The following PINX1 variants were observed in gnomAD, a reference collection of about 807,000 sequenced individuals.
The protein encoded by PINX1 is PIN2/TERF1-interacting telomerase inhibitor 1.
PINX1 carries 34 observed loss-of-function variants against 25.4 expected under a neutral mutation model. The observed-to-expected ratio is 1.34, with a 90% CI of 1.02 to 1.78. The LOEUF is 1.78. PINX1 is among the 40% of genes most tolerant of loss of function. The pLI is 0.00. For missense variants in PINX1, 592 were observed against 404.9 expected (o/e 1.46, Z -3.97); for synonymous variants, 197 against 147.7 (o/e 1.33, Z -2.42).
chr8:10,805,358 T>TTA (rs1465410343), intron 6 of PINX1, among the ~76,000 whole-genome samples: 22 of 152,362 alleles, frequency 1.4e-4, no homozygotes, highest in African/African-American at 5.0e-4. Flanking sequence ...TTCAGTAAGA[T>TTA]AAGTTAGGAA....
At chr8:10,777,851 G>C (rs571009880) in intron 6 of PINX1, among the ~76,000 whole-genome samples, 1 of 152,316 alleles carries the variant, frequency 6.6e-6, no homozygotes, top group African/African-American at 2.4e-5. Flanking sequence ...TCTGCTATCA[G>C]ATACTCCGTG....
chr8:10,776,107 G>C (rs947878460), intron 6 of PINX1, among the ~76,000 whole-genome samples: 2 of 152,098 alleles, frequency 1.3e-5, no homozygotes, highest in East Asian at 3.9e-4. Flanking sequence ...TCAGTAAAAG[G>C]AGAAGGCAAA....
chr8:10,816,636 T>C (rs572594870), intron 6 of PINX1, among the ~76,000 whole-genome samples: 6 of 152,342 alleles, frequency 3.9e-5, no homozygotes, highest in South Asian at 2.1e-4. Context: ...TTCCACAAAA[T>C]AGCAACAGCC....
At chr8:10,824,911 C>G (rs1452031527) in intron 5 of PINX1, among the ~76,000 whole-genome samples, 1 of 152,186 alleles carries the variant, frequency 6.6e-6, no homozygotes, top group African/African-American at 2.4e-5. Flanking sequence ...TTCAAAAGGA[C>G]TGAGGGCCAA....
At chr8:10,833,674 TGAC>T (rs1276693923) in intron 2 of PINX1, 1 of 25,076 alleles carries the variant, frequency 4.0e-5, no homozygotes, top group East Asian at 4.3e-4. Flanking sequence ...TGGAGAAGAA[TGAC>T]GACTGGGGTG....
At chr8:10,825,052 A>C (rs1797994384) in intron 5 of PINX1, among the ~76,000 whole-genome samples, 2 of 152,166 alleles carry the variant, frequency 1.3e-5, no homozygotes, top group Non-Finnish European at 2.9e-5. Flanking sequence ...CGGCTGCTGG[A>C]GAGGGAAGGG....
chr8:10,817,955 T>C (rs1377181402), intron 6 of PINX1, among the ~76,000 whole-genome samples: 1 of 152,166 alleles, frequency 6.6e-6, no homozygotes, highest in Non-Finnish European at 1.5e-5. Flanking sequence ...TTTAAATTTT[T>C]CTCCTTTTGT....
At chr8:10,820,555 A>G (rs570957660) in intron 5 of PINX1, among the ~76,000 whole-genome samples, 4 of 152,344 alleles carry the variant, frequency 2.6e-5, no homozygotes, top group South Asian at 4.1e-4. Flanking sequence ...TAAATTCTAC[A>G]GCTCACCCTA....
chr8:10,794,725 G>C (rs944651478), intron 6 of PINX1, among the ~76,000 whole-genome samples: 4 of 152,222 alleles, frequency 2.6e-5, no homozygotes, highest in Non-Finnish European at 5.9e-5. Context: ...ACTGCGCTCA[G>C]CTGCTGTTAC....
Position 10,831,752 on chromosome 8 carries a change from A to G in PINX1, c.223-9T>C, listed in dbSNP as rs1414024929. 6.5e-7 allele frequency: 1 copy of G among 1,545,538 alleles called. No homozygotes were observed. The highest frequency in any genetic ancestry group is 8.9e-7 in the Non-Finnish European group (1 of 1,128,264). ...TGGGCAATCCAGTTGTCCTGAAAAT[A>G]TCAAAGAAATGAACGAGAGGTAAGC... On this transcript the variant is annotated splice_polypyrimidine_tract_variant and intron_variant, in intron 3 of 6. Transcript: ENST00000314787.
At chr8:10,807,937 G>T (rs1802507028) in intron 6 of PINX1, among the ~76,000 whole-genome samples, 1 of 152,154 alleles carries the variant, frequency 6.6e-6, no homozygotes, top group Admixed American at 6.5e-5. Flanking sequence ...GACAGATCCA[G>T]CTGACAGATG....
chr8:10,827,628 C>T (rs907395804), intron 4 of PINX1, among the ~76,000 whole-genome samples: 46 of 151,834 alleles, frequency 3.0e-4, no homozygotes, highest in African/African-American at 1.1e-3. Flanking sequence ...AAAAAGCAGC[C>T]GGGCGCGGTG....
intron 6 of PINX1, among the ~76,000 whole-genome samples, chr8:10,770,433 C>T (rs765657361): frequency 5.3e-5 from 8 of 152,158 alleles, no homozygotes; most frequent in African/African-American, 7.2e-5. Flanking sequence ...CAGTCCTCTC[C>T]GGTCCCTGAA....
chr8:10,806,413 T>C (rs181912925), intron 6 of PINX1, among the ~76,000 whole-genome samples: 84 of 146,900 alleles, frequency 5.7e-4, no homozygotes, highest in African/African-American at 2.0e-3. Flanking sequence ...TTTTTGTGTT[T>C]TCTGTTTGTG....
intron 5 of PINX1, among the ~76,000 whole-genome samples, chr8:10,824,202 G>C (rs6601532): frequency 0.054 from 8,213 of 152,298 alleles, 254 homozygotes; most frequent in South Asian, 0.079. Flanking sequence ...AACTGAGTCT[G>C]AAGGGAAATG....
intron 6 of PINX1, among the ~76,000 whole-genome samples, chr8:10,774,745 C>G (rs1450606766): frequency 1.3e-5 from 2 of 152,146 alleles, no homozygotes; most frequent in African/African-American, 2.4e-5. Flanking sequence ...TTCTTATAAA[C>G]TACATAAGGC....
chr8:10,818,590 G>C (rs1276071215), intron 6 of PINX1, among the ~76,000 whole-genome samples: 1 of 152,178 alleles, frequency 6.6e-6, no homozygotes, highest in African/African-American at 2.4e-5. Flanking sequence ...AAGGCTGGGG[G>C]TGGTGGGTGA....
At chr8:10,821,137 G>A (rs1433522437) in intron 5 of PINX1, among the ~76,000 whole-genome samples, 1 of 152,222 alleles carries the variant, frequency 6.6e-6, no homozygotes, top group Non-Finnish European at 1.5e-5. Context: ...GGGCGAGGGA[G>A]GTTCTGGGTC....
chr8:10,787,182 A>G (rs1801777354), intron 6 of PINX1, among the ~76,000 whole-genome samples: 1 of 151,888 alleles, frequency 6.6e-6, no homozygotes, highest in Non-Finnish European at 1.5e-5. Context: ...GTATTTACAT[A>G]TATATACACA....
Sources: allele counts gnomAD v4.1 joint callset (sites outside exome capture counted in the v4.1 genomes callset), GRCh38; gene constraint gnomAD v4.1.1; transcripts MANE v1.5; gene names NCBI Gene and HGNC (gene_info 2026-07-23, HGNC 2026-07-21).